Variants in ZBTB7C observed in about 807,000 individuals in gnomAD.
The protein encoded by ZBTB7C is zinc finger and BTB domain-containing protein 7C.
A neutral mutation model predicts 25.7 loss-of-function variants in ZBTB7C; 8 were observed. The ratio of observed to expected loss-of-function variants is 0.31; its 90% CI spans 0.18 to 0.56. ZBTB7C has a LOEUF of 0.56. Among genes scored for constraint, ZBTB7C ranks in the 20% least tolerant of loss-of-function variants. The pLI is 0.91. For missense variants in ZBTB7C, 824 were observed against 855.2 expected, an observed-to-expected ratio of 0.96 and a Z score of 0.46; for synonymous variants, 394 against 369.0, an observed-to-expected ratio of 1.07 and a Z score of -0.78.
At chr18:48,219,767 G>A (rs1337917672) in intron 2 of ZBTB7C, among the ~76,000 whole-genome samples, 2 of 152,230 alleles carry the variant, frequency 1.3e-5, no homozygotes, top group Non-Finnish European at 2.9e-5. Flanking sequence ...TGGCCAGAGG[G>A]GATCAGAGTG....
intron 1 of ZBTB7C, among the ~76,000 whole-genome samples, chr18:48,389,231 TC>T (rs2047830937): frequency 2.8e-5 from 2 of 70,196 alleles, no homozygotes; most frequent in African/African-American, 6.3e-5. Context: ...TCTCTCTCTC[TC>T]TCTCGTGTGT....
Position 48,393,776 on chromosome 18 carries a change from GC to G in ZBTB7C, c.-304+15449del, listed in dbSNP as rs567625314. 4.0e-3 allele frequency among the ~76,000 whole-genome samples: 602 copies of G among 152,196 alleles called. 5 individuals are homozygous for G. The Middle Eastern group carries it at 0.041, about 10-fold the overall frequency. On this transcript the variant is annotated intron_variant, in intron 1 of 4. Coordinates refer to ENST00000590800, the MANE Select transcript of ZBTB7C (RefSeq NM_001318841.2). The stretch of plus-strand genomic sequence containing the variant: ...ACCAACCTGAAATCATCAACCTCAG[GC>G]ACCAGAGTCAGGAACCATGCTGCTT...
rs753193770 is a variant in ZBTB7C, at chr18:48,040,254, T to C, written c.854A>G (p.Lys285Arg). 3.2e-6 allele frequency: 5 copies of C among 1,562,240 alleles called. No homozygotes were observed. The Admixed American group carries it at 9.5e-5, about 30-fold the overall frequency. Reference sequence around the variant, plus strand: ...CTCCTCCTCCTTGATCTTCCGATTCTTGATGACCAGATCCAGTGGCCCACT... The same window carrying C: ...CTCCTCCTCCTTGATCTTCCGATTCCTGATGACCAGATCCAGTGGCCCACT... ...MDSGPLDLVI[K>R]NRKIKEEEKE... Residue 285 changes from lysine to arginine, a missense_variant, in exon 4 of 5, where the codon AAG (lysine) becomes AGG (arginine). By Grantham distance (26) the Lys-to-Arg change is conservative. Transcript: ENST00000590800.
intron 3 of ZBTB7C, among the ~76,000 whole-genome samples, chr18:48,109,551 G>A (rs1394384383): frequency 6.6e-6 from 1 of 152,114 alleles, no homozygotes; most frequent in Non-Finnish European, 1.5e-5. Context: ...TTACGAAGAT[G>A]AGCAAAAAAG....
intron 1 of ZBTB7C, among the ~76,000 whole-genome samples, chr18:48,384,007 T>C (rs1002922263): frequency 3.9e-5 from 6 of 152,222 alleles, no homozygotes; most frequent in African/African-American, 1.4e-4. Flanking sequence ...TGGTTATTTG[T>C]GCATTGCCTC....
At chr18:48,042,231 G>A (rs1490182885) in intron 3 of ZBTB7C, among the ~76,000 whole-genome samples, 1 of 152,170 alleles carries the variant, frequency 6.6e-6, no homozygotes, top group African/African-American at 2.4e-5. Context: ...ACTAGAGACA[G>A]AAACTAAACA....
At chr18:48,178,919 C>T (rs2145080998) in intron 3 of ZBTB7C, among the ~76,000 whole-genome samples, 1 of 152,250 alleles carries the variant, frequency 6.6e-6, no homozygotes. Context: ...GGCCCTACCT[C>T]TCCCCCACCA....
intron 2 of ZBTB7C, among the ~76,000 whole-genome samples, chr18:48,275,002 C>A (rs1321315519): frequency 2.0e-5 from 3 of 152,230 alleles, no homozygotes; most frequent in African/African-American, 7.2e-5. Flanking sequence ...GGGACTTACT[C>A]TGGGGGCTTC....
chr18:48,217,941 C>T (rs556430856), intron 2 of ZBTB7C, among the ~76,000 whole-genome samples: 2 of 152,130 alleles, frequency 1.3e-5, no homozygotes, highest in Admixed American at 6.5e-5. Context: ...ATGAGCCACA[C>T]GGCTACCAAC....
chr18:48,347,067 G>A (rs2046748736), intron 1 of ZBTB7C, among the ~76,000 whole-genome samples: 1 of 150,790 alleles, frequency 6.6e-6, no homozygotes, highest in Admixed American at 6.6e-5. Context: ...ACAGGCATGA[G>A]CCACCACGCT....
At chr18:48,194,553 C>T (rs1230213685) in intron 2 of ZBTB7C, among the ~76,000 whole-genome samples, 1 of 152,054 alleles carries the variant, frequency 6.6e-6, no homozygotes, top group Non-Finnish European at 1.5e-5. Flanking sequence ...CCAGGGGCAG[C>T]AGAGTAAACA....
At chr18:48,238,239 A>G (rs1016689784) in intron 2 of ZBTB7C, among the ~76,000 whole-genome samples, 1 of 152,218 alleles carries the variant, frequency 6.6e-6, no homozygotes, top group Non-Finnish European at 1.5e-5. Context: ...AACTGTGCAT[A>G]TAAGTGTTAT....
At chr18:48,292,392 G>A (rs1403102312) in intron 2 of ZBTB7C, among the ~76,000 whole-genome samples, 1 of 152,046 alleles carries the variant, frequency 6.6e-6, no homozygotes, top group Non-Finnish European at 1.5e-5. Context: ...AGTGAGGTTC[G>A]AGCTTAGGCC....
At chr18:48,103,112 T>TATATTTTA in intron 3 of ZBTB7C, among the ~76,000 whole-genome samples, 1 of 130,956 alleles carries the variant, frequency 7.6e-6, no homozygotes, top group East Asian at 2.1e-4. Context: ...ATATTTTATA[T>TATATTTTA]TATCTATCTA....
At chr18:48,056,468 G>A (rs977773294) in intron 3 of ZBTB7C, among the ~76,000 whole-genome samples, 4 of 152,148 alleles carry the variant, frequency 2.6e-5, no homozygotes, top group African/African-American at 9.7e-5. Context: ...AGCCCTACCA[G>A]ATATGAAGAC....
intron 3 of ZBTB7C, among the ~76,000 whole-genome samples, chr18:48,047,584 C>A (rs1432306106): frequency 6.6e-6 from 1 of 152,144 alleles, no homozygotes; most frequent in Non-Finnish European, 1.5e-5. Context: ...TCCCCTGGGC[C>A]TCTGCCTTCA....
chr18:48,267,595 T>C (rs1015553458), intron 2 of ZBTB7C, among the ~76,000 whole-genome samples: 5 of 152,184 alleles, frequency 3.3e-5, no homozygotes, highest in Non-Finnish European at 7.4e-5. Context: ...GGTTTGCAGG[T>C]TGAAAGACAC....
chr18:48,249,579 T>C (rs1198051258), intron 2 of ZBTB7C, among the ~76,000 whole-genome samples: 1 of 152,186 alleles, frequency 6.6e-6, no homozygotes, highest in African/African-American at 2.4e-5. Flanking sequence ...AATAATATAA[T>C]AGTTGGTTTG....
At chr18:48,098,813 G>T (rs2038731352) in intron 3 of ZBTB7C, among the ~76,000 whole-genome samples, 1 of 152,214 alleles carries the variant, frequency 6.6e-6, no homozygotes. Context: ...TACACAACCA[G>T]CAAGAGATGT....
Sources: gnomAD v4.1 joint callset for allele counts (sites outside exome capture counted in the v4.1 genomes callset) on GRCh38, gnomAD v4.1.1 for gene constraint, MANE v1.5 for transcripts, NCBI Gene and HGNC (gene_info 2026-07-23, HGNC 2026-07-21) for gene names.